Variants in SLC8A1 observed in about 807,000 individuals in gnomAD.
SLC8A1 encodes the protein solute carrier family 8 member A1.
In SLC8A1, 18 loss-of-function variants were observed where a neutral mutation model predicts 68.3. The observed-to-expected ratio is 0.26, with a 90% CI of 0.18 to 0.39. SLC8A1 has a LOEUF of 0.39. Among genes scored for constraint, SLC8A1 ranks in the 10% least tolerant of loss-of-function variants. The pLI is 1.00. For missense variants in SLC8A1, 985 were observed against 1,156.7 expected (o/e 0.85, Z 2.15); for synonymous variants, 475 against 415.5 (o/e 1.14, Z -1.74).
chr2:40,462,001 C>CTTTT lies in SLC8A1; in HGVS notation c.-24-31701_-24-31698dup, dbSNP rs370223854. Among the ~76,000 whole-genome samples the CTTTT allele has an allele frequency of 4.5e-3, 295 of 66,116 alleles. 47 individuals carry two copies. The highest frequency in any genetic ancestry group is 9.3e-3 in the African/African-American group (153 of 16,468). The allele number at this position is 66,116 out of a possible 152,430, so 43.4% of individuals were successfully genotyped here. A position where few individuals can be genotyped will look rare whatever the true frequency, so the allele number is the denominator to read the frequency against. On this transcript the variant is annotated intron_variant, in intron 1 of 7. Transcript: ENST00000402441. ...CCTCTCATTTTAAAGTAAAATCCTC[C>CTTTT]TTTTTTTTTTTTTTTTTTTTTTTGA...
chr2:40,242,320 A>C (rs1427187806), intron 2 of SLC8A1, among the ~76,000 whole-genome samples: 1 of 152,214 alleles, frequency 6.6e-6, no homozygotes, highest in Non-Finnish European at 1.5e-5. Context: ...TAAAACATAA[A>C]GATAAAAGGT....
chr2:40,323,198 T>C (rs558853650), intron 2 of SLC8A1, among the ~76,000 whole-genome samples: 7 of 152,164 alleles, frequency 4.6e-5, no homozygotes, highest in Non-Finnish European at 1.0e-4. Context: ...AGATTGATAA[T>C]AATTTTTCTT....
At chr2:40,453,970 A>G (rs6736874), upstream of SLC8A1, among the ~76,000 whole-genome samples, 35,988 of 152,034 alleles carry the variant, frequency 0.24, 4,422 homozygotes, top group African/African-American at 0.29. Context: ...TTTCCTTGCT[A>G]TAAGTTAAAT....
At chr2:40,141,893 G>A (rs2041637511) in intron 6 of SLC8A1, among the ~76,000 whole-genome samples, 1 of 152,220 alleles carries the variant, frequency 6.6e-6, no homozygotes, top group South Asian at 2.1e-4. Context: ...GAAAGACCAT[G>A]TGAGTGTCCA....
chr2:40,217,904 T>G (rs1355797152), intron 2 of SLC8A1, among the ~76,000 whole-genome samples: 1 of 150,582 alleles, frequency 6.6e-6, no homozygotes, highest in East Asian at 1.9e-4. Context: ...TCTCTTAGAT[T>G]TGATCTGGCA....
intron 2 of SLC8A1, among the ~76,000 whole-genome samples, chr2:40,346,406 C>G (rs143726423): frequency 3.9e-5 from 6 of 152,076 alleles, no homozygotes; most frequent in African/African-American, 1.4e-4. Context: ...TATGCTAGGG[C>G]GTTTACCTCA....
At chr2:40,507,839 T>G (rs1475000862) in intron 1 of SLC8A1, among the ~76,000 whole-genome samples, 2 of 152,092 alleles carry the variant, frequency 1.3e-5, no homozygotes, top group Non-Finnish European at 2.9e-5. Flanking sequence ...AGTTTTTAGG[T>G]GACTTGCCCA....
intron 2 of SLC8A1, among the ~76,000 whole-genome samples, chr2:40,397,673 C>T (rs1248266717): frequency 6.6e-6 from 1 of 152,126 alleles, no homozygotes; most frequent in Non-Finnish European, 1.5e-5. Flanking sequence ...AATACTCAGG[C>T]CCTACCCTGA....
chr2:40,331,847 C>T (rs2076446906), intron 2 of SLC8A1, among the ~76,000 whole-genome samples: 2 of 152,156 alleles, frequency 1.3e-5, no homozygotes, highest in South Asian at 4.1e-4. Context: ...TCAGCCTTGG[C>T]CTCCCAAAGT....
chr2:40,421,138 A>C (rs1449851781), intron 2 of SLC8A1, among the ~76,000 whole-genome samples: 1 of 151,908 alleles, frequency 6.6e-6, no homozygotes, highest in African/African-American at 2.4e-5. Context: ...ATCACCACCA[A>C]CACCATCAGC....
intron 2 of SLC8A1, among the ~76,000 whole-genome samples, chr2:40,298,730 T>G (rs190434763): frequency 6.6e-6 from 1 of 152,300 alleles, no homozygotes; most frequent in Non-Finnish European, 1.5e-5. Flanking sequence ...TAAGAGATGG[T>G]AAAGGAAAGC....
At chr2:40,443,558 A>C (rs1423634256) in intron 1 of SLC8A1, among the ~76,000 whole-genome samples, 1 of 152,222 alleles carries the variant, frequency 6.6e-6, no homozygotes, top group East Asian at 1.9e-4. Context: ...TGGAAGGGAC[A>C]AAAAGTAGCT....
intron 1 of SLC8A1, among the ~76,000 whole-genome samples, chr2:40,490,552 A>T (rs1705247189): frequency 1.3e-5 from 2 of 152,162 alleles, no homozygotes; most frequent in Non-Finnish European, 2.9e-5. Context: ...GTACTAAATG[A>T]ATCTTATATA....
chr2:40,238,305 T>C (rs989177825), intron 2 of SLC8A1, among the ~76,000 whole-genome samples: 2 of 152,194 alleles, frequency 1.3e-5, no homozygotes, highest in Admixed American at 6.5e-5. Flanking sequence ...TATAATCTCG[T>C]GGTGGGCCGT....
At chr2:40,396,748 TAAAAAAAAAAAAAAAA>T (rs368483768) in intron 2 of SLC8A1, among the ~76,000 whole-genome samples, 1 of 87,090 alleles carries the variant, frequency 1.1e-5, no homozygotes, top group Admixed American at 1.1e-4. Flanking sequence ...CTCTAATAAC[TAAAAAAAAAAAAAAAA>T]AAAAAAAAAA....
intron 2 of SLC8A1, among the ~76,000 whole-genome samples, chr2:40,189,218 A>C (rs528769288): frequency 6.6e-6 from 1 of 152,342 alleles, no homozygotes; most frequent in East Asian, 1.9e-4. Context: ...AGAAGGAATA[A>C]TAGTCCGTAT....
At chr2:40,217,282 A>C (rs1417768713) in intron 2 of SLC8A1, among the ~76,000 whole-genome samples, 2 of 152,160 alleles carry the variant, frequency 1.3e-5, no homozygotes, top group Non-Finnish European at 2.9e-5. Flanking sequence ...CAGGTTTGTC[A>C]AAGATCTGAT....
rs150788154 is a variant in SLC8A1 at position 40,411,593 on chromosome 2, C to T, written c.1808+16880G>A. Among the ~76,000 whole-genome samples, 53 of 151,708 alleles carry T rather than the reference C, an allele frequency of 3.5e-4. No homozygotes were observed. The East Asian group carries it at 9.5e-3, about 27-fold the overall frequency. ...TGTATAAACGTTGTCTTTAAAAAAA[C>T]CTGAAAAAACAAAAACAATGTCAAA... On this transcript the variant is annotated intron_variant, in intron 2 of 7. Transcript: ENST00000406785.
intron 2 of SLC8A1, among the ~76,000 whole-genome samples, chr2:40,221,329 C>T (rs1216277328): frequency 6.6e-6 from 1 of 152,192 alleles, no homozygotes; most frequent in African/African-American, 2.4e-5. Context: ...TAAAATTCAA[C>T]ACCCCTTCAT....
Sources: allele counts gnomAD v4.1 joint callset (sites outside exome capture counted in the v4.1 genomes callset), GRCh38; gene constraint gnomAD v4.1.1; transcripts MANE v1.5; gene names NCBI Gene and HGNC (gene_info 2026-07-23, HGNC 2026-07-21).